The following NAV2 variants were observed in gnomAD, a reference collection of about 807,000 sequenced individuals.
The protein encoded by NAV2 is neuron navigator 2.
NAV2 carries 54 observed loss-of-function variants against 223.2 expected under a neutral mutation model. The observed-to-expected ratio is 0.24, with a 90% CI of 0.19 to 0.30. The LOEUF (loss-of-function observed/expected upper bound fraction) is 0.30, where lower values mean the gene tolerates loss of function less well. NAV2 is among the 10% of genes least tolerant of loss of function. NAV2 has a pLI of 1.00. For missense variants in NAV2, 2,806 were observed against 3,147.5 expected (o/e 0.89, Z 2.60); for synonymous variants, 1,279 against 1,239.3 (o/e 1.03, Z -0.67).
Position 19,728,518 on chromosome 11 carries a change from C to T in NAV2, c.267+14556C>T, listed in dbSNP as rs2051449309. ...AGTGGAAAAGAGCGAGTGGTCATTG[C>T]CACACAGACCAGGGTTTGGATTTCA... is the stretch of plus-strand genomic sequence containing the variant. On this transcript the variant is annotated intron_variant, in intron 1 of 37. Transcript: ENST00000349880. Among the ~76,000 whole-genome samples, 3 of 152,290 alleles carry T rather than the reference C, an allele frequency of 2.0e-5. 1 individual carries two copies. The South Asian group carries it at 6.2e-4, about 32-fold the overall frequency.
intron 1 of NAV2, among the ~76,000 whole-genome samples, chr11:19,397,853 T>C (rs993394670): frequency 2.0e-5 from 3 of 152,060 alleles, no homozygotes; most frequent in Non-Finnish European, 4.4e-5. Flanking sequence ...CATAAGCCCA[T>C]ACAGCTCTGA....
In NAV2 at chr11:19,585,532, A is replaced by G. The variant is rs202166747; in HGVS notation, c.75+234505A>G. On this transcript the variant is annotated intron_variant, in intron 1 of 37. Transcript: ENST00000360655. ...TGGCTGGTACCGGTTGTTCCTTTCC[A>G]TGTTTAGTGCTTCCTTCAGGAGCTC... Among the ~76,000 whole-genome samples, 11 of 152,150 alleles carry G rather than the reference A, an allele frequency of 7.2e-5. No homozygotes were observed. The East Asian group carries it at 1.9e-3, about 27-fold the overall frequency.
intron 1 of NAV2, among the ~76,000 whole-genome samples, chr11:19,480,087 A>T (rs1272690680): frequency 6.6e-6 from 1 of 152,176 alleles, no homozygotes; most frequent in Non-Finnish European, 1.5e-5. Flanking sequence ...TGCCAAGCCT[A>T]AAATATTTAC....
intron 20 of NAV2, among the ~76,000 whole-genome samples, chr11:20,066,369 A>T (rs1428565703): frequency 2.6e-5 from 4 of 152,238 alleles, no homozygotes; most frequent in Non-Finnish European, 5.9e-5. Flanking sequence ...GACATCTTCC[A>T]ACCTTCTCCT....
intron 4 of NAV2, among the ~76,000 whole-genome samples, chr11:19,872,783 G>A (rs1025910370): frequency 6.6e-6 from 1 of 152,242 alleles, no homozygotes; most frequent in Admixed American, 6.5e-5. Context: ...ATGCTTGGGG[G>A]CAGAGGCTGC....
intron 1 of NAV2, among the ~76,000 whole-genome samples, chr11:19,627,161 G>A (rs2047195366): frequency 6.6e-6 from 1 of 152,200 alleles, no homozygotes. Context: ...GCTGAGGTGG[G>A]TGGATCGCCT....
At chr11:19,939,116 A>T (rs1008289153) in intron 7 of NAV2, among the ~76,000 whole-genome samples, 7 of 152,244 alleles carry the variant, frequency 4.6e-5, no homozygotes, top group Admixed American at 2.6e-4. Context: ...GATCAATGAG[A>T]CCTTTCATGT....
intron 1 of NAV2, among the ~76,000 whole-genome samples, chr11:19,690,500 A>G (rs950213126): frequency 3.5e-4 from 54 of 152,306 alleles, no homozygotes; most frequent in African/African-American, 1.3e-3. Flanking sequence ...TGTGAGTGTT[A>G]CAGGAGACAA....
rs1276623534 is a variant in NAV2, at chr11:19,713,814, A to T, written c.119A>T (p.Lys40Met). ...GCGGGCCCCCAGCCCTGCTACCTGA[A>T]GTTGGGAAGCAAGGTGGAGGTGAGC... ...ARAGPQPCYL[K>M]LGSKVEVSKT... The change falls in exon 1 of 38, where the codon AAG (lysine) becomes ATG (methionine). Residue 40 changes from lysine (K) to methionine (M), a missense_variant. Lys to Met is a moderately conservative substitution (Grantham distance 95, BLOSUM62 -1). Transcript: ENST00000349880. This position sits in a 1 kb window ranked among gnomAD's most constrained non-coding sequence, Gnocchi z 7.2. 1.9e-6 allele frequency: 3 copies of T among 1,613,058 alleles called. No individual in the cohort carries two copies. Among genetic ancestry groups the T allele is most frequent in the Non-Finnish European group, 2.5e-6 (3 of 1,179,826 alleles).
the NAV2 span, among the ~76,000 whole-genome samples, chr11:19,345,272 G>A: frequency 5.9e-5 from 9 of 152,372 alleles, no homozygotes; most frequent in African/African-American, 1.7e-4. The surrounding 1 kb of genome is among the most constrained non-coding windows in gnomAD (Gnocchi z 5.2). Context: ...GTGCGAGACC[G>A]GCTGGAGGAG....
chr11:19,761,853 A>C (rs1350044359), intron 1 of NAV2, among the ~76,000 whole-genome samples: 1 of 152,080 alleles, frequency 6.6e-6, no homozygotes, highest in African/African-American at 2.4e-5. Context: ...ATTTCTTTTC[A>C]TGTTCATTAC....
intron 1 of NAV2, among the ~76,000 whole-genome samples, chr11:19,738,536 G>A (rs927422794): frequency 6.6e-5 from 10 of 152,312 alleles, no homozygotes; most frequent in African/African-American, 1.9e-4. Context: ...TTCCTGGGGC[G>A]AAGCAGTATT....
chr11:19,805,256 A>G (rs938517891), intron 1 of NAV2, among the ~76,000 whole-genome samples: 4 of 152,190 alleles, frequency 2.6e-5, no homozygotes, highest in African/African-American at 9.6e-5. Context: ...ATGTAGCACC[A>G]CTTACATTTT....
chr11:19,639,101 G>A (rs1422924590), intron 1 of NAV2, among the ~76,000 whole-genome samples: 1 of 152,224 alleles, frequency 6.6e-6, no homozygotes, highest in African/African-American at 2.4e-5. Flanking sequence ...CTGCTCACAA[G>A]ATTGGCCCTT....
At chr11:19,599,973 A>T (rs1271144791) in intron 1 of NAV2, among the ~76,000 whole-genome samples, 7 of 152,194 alleles carry the variant, frequency 4.6e-5, no homozygotes, top group Admixed American at 4.6e-4. Context: ...TCCAACACAG[A>T]CTGTGAAGTA....
chr11:19,965,136 T>G (rs1387722431), intron 10 of NAV2, among the ~76,000 whole-genome samples: 1 of 152,036 alleles, frequency 6.6e-6, no homozygotes, highest in Non-Finnish European at 1.5e-5. Context: ...TTAATCTCTA[T>G]GTTCTAGGAA....
intron 1 of NAV2, among the ~76,000 whole-genome samples, chr11:19,429,410 GC>G (rs1850961801): frequency 6.6e-6 from 1 of 152,188 alleles, no homozygotes; most frequent in Non-Finnish European, 1.5e-5. Flanking sequence ...AAAAAGACTG[GC>G]CTGGGGGTCA....
At chr11:20,090,495 G>A (rs959937245) in intron 26 of NAV2, among the ~76,000 whole-genome samples, 1 of 151,940 alleles carries the variant, frequency 6.6e-6, no homozygotes, top group African/African-American at 2.4e-5. Flanking sequence ...AATTTAAAAA[G>A]TGAAACCACA....
intron 35 of NAV2, among the ~76,000 whole-genome samples, chr11:20,107,034 T>C (rs2062180504): frequency 1.3e-5 from 2 of 151,350 alleles, no homozygotes; most frequent in Admixed American, 6.6e-5. Flanking sequence ...TCTGTTCTTT[T>C]GGACTTGCAG....
Sources: allele counts gnomAD v4.1 joint callset (sites outside exome capture counted in the v4.1 genomes callset), GRCh38; gene constraint gnomAD v4.1.1; non-coding constraint Gnocchi (gnomAD v3.1); transcripts MANE v1.5; gene names NCBI Gene and HGNC (gene_info 2026-07-23, HGNC 2026-07-21).